CCBE1: variants seen among roughly 807,000 people sequenced by gnomAD.
CCBE1 encodes collagen and calcium binding EGF domains 1, also known as collagen and calcium-binding EGF domain-containing protein 1.
CCBE1 carries 37 observed loss-of-function variants against 50.0 expected under a neutral mutation model. The ratio of observed to expected loss-of-function variants is 0.74; its 90% CI spans 0.57 to 0.97. CCBE1 has a LOEUF of 0.97. Ranked by LOEUF, CCBE1 falls within the 50% of genes least tolerant of loss-of-function variation. CCBE1 has a pLI of 0.00. For synonymous variants in CCBE1, 234 were observed against 203.7 expected (o/e 1.15, Z -1.27); for missense variants, 538 against 523.8 (o/e 1.03, Z -0.26).
intron 2 of CCBE1, among the ~76,000 whole-genome samples, chr18:59,522,672 C>T (rs1231501814): frequency 6.6e-6 from 1 of 152,150 alleles, no homozygotes; most frequent in African/African-American, 2.4e-5. Context: ...TGCAGATTCT[C>T]ACAGTAGCCC....
intron 2 of CCBE1, among the ~76,000 whole-genome samples, chr18:59,586,815 C>A (rs963734388): frequency 6.6e-6 from 1 of 152,154 alleles, no homozygotes; most frequent in Non-Finnish European, 1.5e-5. Context: ...AATAGGAAAT[C>A]CAGTAAGAAA....
Position 59,431,431 on chromosome 18 carries a change from GTTAT to G in CCBE1, c.*4473_*4476del, listed in dbSNP as rs1909943887. On this transcript the variant is annotated 3_prime_UTR_variant, in exon 11 of 11. Coordinates refer to ENST00000439986, the MANE Select transcript of CCBE1 (RefSeq NM_133459.4). ...TCCAATAACTTTCCTTTTCAGGAAGGTTATTTGACAGATGTTAAGTCTGCAGAAT... is the reference window on the plus strand; with the variant it reads ...TCCAATAACTTTCCTTTTCAGGAAGGTTGACAGATGTTAAGTCTGCAGAAT... 1 of 152,146 alleles carries G rather than the reference GTTAT, an allele frequency of 6.6e-6. No individual in the cohort carries two copies. The allele number at this position is 152,146 out of a possible 1,614,324, so 9.4% of individuals were successfully genotyped here. A position where few individuals can be genotyped will look rare whatever the true frequency, so the allele number is the denominator to read the frequency against.
At chr18:59,690,771 C>T (rs1192251375) in intron 2 of CCBE1, among the ~76,000 whole-genome samples, 1 of 152,212 alleles carries the variant, frequency 6.6e-6, no homozygotes, top group Non-Finnish European at 1.5e-5. Context: ...ACAGAACCTT[C>T]CCTCCCTCGA....
intron 2 of CCBE1, among the ~76,000 whole-genome samples, chr18:59,567,259 TACCATACCCAGCTACCCTACCCACC>T (rs1209303126): frequency 6.6e-6 from 1 of 151,904 alleles, no homozygotes; most frequent in African/African-American, 2.4e-5. Context: ...GCTGGGAGGC[TACCATACCCAGCTACCCTACCCACC>T]ACCATACCCA....
intron 2 of CCBE1, among the ~76,000 whole-genome samples, chr18:59,518,591 G>A (rs747566807): frequency 4.6e-5 from 7 of 152,216 alleles, no homozygotes; most frequent in Non-Finnish European, 7.3e-5. Flanking sequence ...TCAGTGGGCA[G>A]ATCAGGAAAA....
At chr18:59,684,661 T>C (rs967731008) in intron 2 of CCBE1, among the ~76,000 whole-genome samples, 7 of 152,212 alleles carry the variant, frequency 4.6e-5, no homozygotes, top group Admixed American at 4.6e-4. Context: ...TATAATCATT[T>C]CCATTTCTAT....
At chr18:59,592,589 T>A (rs184303180) in intron 2 of CCBE1, among the ~76,000 whole-genome samples, 2 of 152,316 alleles carry the variant, frequency 1.3e-5, no homozygotes, top group East Asian at 3.9e-4. Flanking sequence ...ATGCCAACTT[T>A]ACTATAATAA....
intron 2 of CCBE1, among the ~76,000 whole-genome samples, chr18:59,690,827 A>T (rs185547350): frequency 3.9e-4 from 59 of 152,324 alleles, no homozygotes; most frequent in African/African-American, 1.4e-3. Context: ...TAAAACCTTG[A>T]TCCTCTACTC....
At chr18:59,520,538 T>C (rs956977220) in intron 2 of CCBE1, among the ~76,000 whole-genome samples, 5 of 152,246 alleles carry the variant, frequency 3.3e-5, no homozygotes, top group Admixed American at 1.3e-4. Context: ...TCTTGCATGG[T>C]GAACTTTTCA....
chr18:59,694,753 G>C (rs1264390405), intron 2 of CCBE1, among the ~76,000 whole-genome samples: 7 of 152,164 alleles, frequency 4.6e-5, no homozygotes, highest in African/African-American at 1.7e-4. Flanking sequence ...ATAGAAACAG[G>C]ATAAGACCAA....
chr18:59,561,813 G>A (rs1212927418), intron 2 of CCBE1, among the ~76,000 whole-genome samples: 3 of 152,216 alleles, frequency 2.0e-5, no homozygotes, highest in African/African-American at 7.2e-5. Context: ...CTGTGCAGCT[G>A]TGTGTGAGGG....
chr18:59,668,642 AGT>A (rs982400083), intron 2 of CCBE1, among the ~76,000 whole-genome samples: 2 of 152,056 alleles, frequency 1.3e-5, no homozygotes, highest in African/African-American at 4.8e-5. Context: ...TAAAAACAAA[AGT>A]GAGATTAAGC....
chr18:59,689,410 G>C (rs541369237), intron 2 of CCBE1, among the ~76,000 whole-genome samples: 1 of 152,158 alleles, frequency 6.6e-6, no homozygotes, highest in Non-Finnish European at 1.5e-5. Flanking sequence ...CAACCAATAA[G>C]GTGGCAACAT....
chr18:59,532,157 C>T (rs923775176), intron 2 of CCBE1, among the ~76,000 whole-genome samples: 6 of 152,178 alleles, frequency 3.9e-5, no homozygotes, highest in Non-Finnish European at 7.3e-5. Flanking sequence ...CCTCTGTCTC[C>T]TGGATTCAAG....
chr18:59,488,800 G>A (rs1012829477), intron 2 of CCBE1, among the ~76,000 whole-genome samples: 1 of 152,118 alleles, frequency 6.6e-6, no homozygotes, highest in Non-Finnish European at 1.5e-5. Flanking sequence ...AAGGCATCAA[G>A]AGCTTGGTAA....
chr18:59,483,772 C>T (rs1432266821), intron 2 of CCBE1, among the ~76,000 whole-genome samples: 3 of 152,128 alleles, frequency 2.0e-5, no homozygotes, highest in African/African-American at 7.2e-5. Flanking sequence ...TATCTTACTT[C>T]AAAAGCATAT....
At chr18:59,608,489 A>G (rs1253612275) in intron 2 of CCBE1, among the ~76,000 whole-genome samples, 4 of 152,098 alleles carry the variant, frequency 2.6e-5, no homozygotes, top group Non-Finnish European at 5.9e-5. Flanking sequence ...AGCCCTTACC[A>G]CCTGCTTGAG....
chr18:59,444,845 T>G (rs1488246957), intron 7 of CCBE1, among the ~76,000 whole-genome samples: 2 of 152,240 alleles, frequency 1.3e-5, no homozygotes, highest in East Asian at 1.9e-4. Context: ...GCCATTTGTA[T>G]GTCTTCTTTG....
intron 2 of CCBE1, among the ~76,000 whole-genome samples, chr18:59,642,553 T>C (rs1354961092): frequency 6.6e-6 from 1 of 152,092 alleles, no homozygotes; most frequent in African/African-American, 2.4e-5. Context: ...ATGCAAAACA[T>C]ATGTCTAAGA....
Sources: gnomAD v4.1 joint callset for allele counts (sites outside exome capture counted in the v4.1 genomes callset) on GRCh38, gnomAD v4.1.1 for gene constraint, MANE v1.5 for transcripts, NCBI Gene and HGNC (gene_info 2026-07-23, HGNC 2026-07-21) for gene names.